The following ZBBX variants were observed in gnomAD, a reference collection of about 807,000 sequenced individuals.
ZBBX encodes zinc finger B-box domain containing, also known as zinc finger B-box domain-containing protein 1.
A neutral mutation model predicts 108.5 loss-of-function variants in ZBBX; 101 were observed. The ratio of observed to expected loss-of-function variants is 0.93; its 90% CI spans 0.79 to 1.10. The LOEUF (loss-of-function observed/expected upper bound fraction) is 1.10, where lower values mean the gene tolerates loss of function less well. ZBBX is among the 50% of genes least tolerant of loss of function. The probability of loss-of-function intolerance (pLI) is 0.00; values close to 1 mark genes in which losing one functional copy is unlikely to be tolerated. For synonymous variants in ZBBX, 356 were observed against 323.4 expected, an observed-to-expected ratio of 1.10 and a Z score of -1.08; for missense variants, 1,009 against 941.4, an observed-to-expected ratio of 1.07 and a Z score of -0.94.
chr3:167,295,678 TA>T (rs564035459), intron 18 of ZBBX, among the ~76,000 whole-genome samples: 2 of 132,140 alleles, frequency 1.5e-5, no homozygotes, highest in Admixed American at 8.2e-5. Context: ...AGTGAAATTT[TA>T]AAAAAAAATC....
intron 9 of ZBBX, among the ~76,000 whole-genome samples, chr3:167,349,924 A>G (rs1156413842): frequency 6.6e-6 from 1 of 152,056 alleles, no homozygotes; most frequent in Non-Finnish European, 1.5e-5. Context: ...TTCCAAAATC[A>G]ATGATTATAT....
At position 167,284,583 on chromosome 3, in the gene ZBBX, G is replaced by A. The variant is rs891947121; in HGVS notation, c.1997-2088C>T. The stretch of plus-strand genomic sequence containing the variant: ...AAGAAAAATTTAATATAATGTAGAT[G>A]CCCTTCAGAAAATCTAGAAGAGTAC... On this transcript the variant is annotated intron_variant, in intron 19 of 21. Transcript: ENST00000675490. Among the ~76,000 whole-genome samples the A allele has an allele frequency of 3.9e-5, 6 of 152,128 alleles. No homozygotes were observed. The East Asian group carries it at 1.2e-3, about 29-fold the overall frequency.
At chr3:167,332,765 CA>C (rs1274312998) in intron 10 of ZBBX, among the ~76,000 whole-genome samples, 1 of 152,102 alleles carries the variant, frequency 6.6e-6, no homozygotes, top group Non-Finnish European at 1.5e-5. Context: ...ACAGTCTCTG[CA>C]AAATAGTTAA....
the ZBBX span, among the ~76,000 whole-genome samples, chr3:167,196,386 C>T: frequency 6.6e-6 from 1 of 152,148 alleles, no homozygotes; most frequent in Non-Finnish European, 1.5e-5. Context: ...AAGTTTTTTA[C>T]TACTTAAATA....
intron 1 of ZBBX, among the ~76,000 whole-genome samples, chr3:167,390,152 G>A (rs1379972993): frequency 6.6e-6 from 1 of 152,078 alleles, no homozygotes; most frequent in Admixed American, 6.5e-5. Context: ...AAGGTGTAAG[G>A]AAAGGGTCCA....
chr3:167,349,100 G>T (rs146674659), intron 9 of ZBBX, among the ~76,000 whole-genome samples: 9 of 152,132 alleles, frequency 5.9e-5, no homozygotes, highest in African/African-American at 1.7e-4. Flanking sequence ...TTGAAGCTCA[G>T]ATACTGAAGA....
the ZBBX span, among the ~76,000 whole-genome samples, chr3:167,207,277 C>G: frequency 0.2 from 29,694 of 152,104 alleles, 3,199 homozygotes; most frequent in Non-Finnish European, 0.25. Context: ...AGCAAAGAAA[C>G]AAATAACCTG....
At chr3:167,330,945 T>TCTCTCTCTCTCTCTCTCTC (rs1738465561) in intron 10 of ZBBX, among the ~76,000 whole-genome samples, 7 of 87,214 alleles carry the variant, frequency 8.0e-5, no homozygotes, top group Admixed American at 1.4e-4. Context: ...CTCTCTTTCT[T>TCTCTCTCTCTCTCTCTCTC]TCTCTCTCTC....
rs920454525 is a variant in ZBBX at position 167,241,799 on chromosome 3, C to T, written c.2393+706G>A. ...CTCTTCCAGAAAGAATAAGAAACTC[C>T]TGATTCCCTTTTTACTGCAGTATCA... is the stretch of plus-strand genomic sequence containing the variant. On this transcript the variant is annotated intron_variant, in intron 21 of 21. Transcript: ENST00000675490. Among the ~76,000 whole-genome samples, 3 of 152,082 alleles carry T rather than the reference C, an allele frequency of 2.0e-5. No individual in the cohort carries two copies. The East Asian group carries it at 5.8e-4, about 29-fold the overall frequency.
At chr3:167,326,703 T>C (rs1226115534) in intron 11 of ZBBX, among the ~76,000 whole-genome samples, 1 of 151,990 alleles carries the variant, frequency 6.6e-6, no homozygotes, top group African/African-American at 2.4e-5. Context: ...TACTGAGATA[T>C]AAACTACTAA....
At chr3:167,323,745 C>T (rs1736880769) in intron 11 of ZBBX, among the ~76,000 whole-genome samples, 1 of 151,992 alleles carries the variant, frequency 6.6e-6, no homozygotes, top group African/African-American at 2.4e-5. Context: ...GTGCAAAAGT[C>T]CTGATGGGAA....
the ZBBX span, among the ~76,000 whole-genome samples, chr3:167,205,382 G>GA: frequency 2.6e-5 from 4 of 151,308 alleles, no homozygotes; most frequent in Non-Finnish European, 5.9e-5. Flanking sequence ...AATTTGAAAA[G>GA]AAAAAAAATA....
intron 18 of ZBBX, among the ~76,000 whole-genome samples, chr3:167,293,281 T>A (rs966855266): frequency 5.3e-5 from 8 of 152,092 alleles, no homozygotes; most frequent in Non-Finnish European, 1.2e-4. Flanking sequence ...CCCTGATGAA[T>A]ATCTATGCGA....
At chr3:167,403,894 G>A (rs2108644829) in intron 1 of ZBBX, among the ~76,000 whole-genome samples, 1 of 151,476 alleles carries the variant, frequency 6.6e-6, no homozygotes, top group South Asian at 2.1e-4. Flanking sequence ...GTAAGATCAA[G>A]GAAACAAAAG....
the ZBBX span, among the ~76,000 whole-genome samples, chr3:167,218,976 G>A: frequency 7.7e-6 from 1 of 129,178 alleles, no homozygotes; most frequent in African/African-American, 3.1e-5. Context: ...AAAAGGAGTA[G>A]CTATACTTGT....
chr3:167,342,768 C>A (rs114905201), intron 9 of ZBBX, among the ~76,000 whole-genome samples: 50 of 150,068 alleles, frequency 3.3e-4, no homozygotes, highest in Non-Finnish European at 6.5e-4. Flanking sequence ...ATCATAATAT[C>A]TTTCTGGTCC....
chr3:167,265,558 T>C lies in ZBBX; in HGVS notation c.2254+16680A>G, dbSNP rs553311225. Among the ~76,000 whole-genome samples, 10 of 152,272 alleles carry C rather than the reference T, an allele frequency of 6.6e-5. No homozygotes were observed. In the South Asian group the frequency reaches 2.1e-3, roughly 32 times the overall value. On this transcript the variant is annotated intron_variant, in intron 20 of 21. Transcript: ENST00000675490. Reference sequence around the variant, plus strand: ...GCATAGCCTGGGGTTGGGGGAGGGATGGTGCAAGCTCTCCCTTAGCTGTGC... The same window carrying C: ...GCATAGCCTGGGGTTGGGGGAGGGACGGTGCAAGCTCTCCCTTAGCTGTGC...
In ZBBX at chr3:167,282,497, T is replaced by C; in HGVS notation, c.1997-2A>G. The C allele has an allele frequency of 6.3e-7, 1 of 1,591,648 alleles. No individual in the cohort carries two copies. The highest frequency in any genetic ancestry group is 1.1e-5 in the South Asian group (1 of 87,306). On this transcript the variant is annotated splice_acceptor_variant, in intron 19 of 21. Transcript: ENST00000675490. LOFTEE classifies it high-confidence loss of function. ...TTGAAGGTCTCTGTGATTTCTGACC[T>C]AAAATTAAAAGTAAAAAGTTTTTAA...
chr3:167,389,108 C>T (rs368042279), intron 1 of ZBBX, among the ~76,000 whole-genome samples: 3 of 151,972 alleles, frequency 2.0e-5, no homozygotes, highest in African/African-American at 7.3e-5. Flanking sequence ...AGGTATTGGT[C>T]CTAATGTTCT....
Sources: gnomAD v4.1 joint callset for allele counts (sites outside exome capture counted in the v4.1 genomes callset) on GRCh38, gnomAD v4.1.1 for gene constraint, MANE v1.5 for transcripts, NCBI Gene and HGNC (gene_info 2026-07-23, HGNC 2026-07-21) for gene names.